Variants in WARS1 observed in about 807,000 individuals in gnomAD.
The protein encoded by WARS1 is tryptophan--tRNA ligase, cytoplasmic.
In WARS1, 17 loss-of-function variants were observed where a neutral mutation model predicts 47.8. The observed-to-expected ratio is 0.36, with a 90% CI of 0.24 to 0.53. The LOEUF (loss-of-function observed/expected upper bound fraction) is 0.53, where lower values mean the gene tolerates loss of function less well. WARS1 is among the 20% of genes least tolerant of loss of function. The pLI is 0.91. For synonymous variants in WARS1, 208 were observed against 228.1 expected, an observed-to-expected ratio of 0.91 and a Z score of 0.79; for missense variants, 434 against 608.0, an observed-to-expected ratio of 0.71 and a Z score of 3.01.
chr14:100,334,825 G>A lies in WARS1; in HGVS notation c.*50C>T. ...GTGCTTTGACTGGGCTGGGATTATT[G>A]ATACATTACTGATACATCACTTCTT... On this transcript the variant is annotated 3_prime_UTR_variant, in exon 11 of 11. Coordinates refer to ENST00000392882, the MANE Select transcript of WARS1 (RefSeq NM_004184.4). The A allele has an allele frequency of 6.3e-7, 1 of 1,593,434 alleles. No homozygotes were observed. The highest frequency in any genetic ancestry group is 8.6e-7 in the Non-Finnish European group (1 of 1,166,308).
At chr14:100,353,933 A>G in intron 5 of WARS1, 64 bp from the exon 6 acceptor site, 2 of 1,471,208 alleles carry the variant, frequency 1.4e-6, no homozygotes, top group Non-Finnish European at 1.8e-6. Flanking sequence ...GCCATCGTGC[A>G]TCTGAAAACA....
chr14:100,365,719 A>G, intron 2 of WARS1: 1 of 184,566 alleles, frequency 5.4e-6, no homozygotes, highest in South Asian at 8.2e-5. Flanking sequence ...CAACAAAAGC[A>G]GAGATCTTCT....
chr14:100,336,318 G>A (rs936017506), intron 10 of WARS1, among the ~76,000 whole-genome samples: 4 of 150,566 alleles, frequency 2.7e-5, no homozygotes, highest in African/African-American at 7.3e-5. Context: ...TTGCTATGTC[G>A]CCCAGGCTGG....
chr14:100,375,368 G>T (rs1157772012), upstream of WARS1: 2 of 152,186 alleles, frequency 1.3e-5, no homozygotes, highest in Admixed American at 6.5e-5. Flanking sequence ...GCCAGAAATG[G>T]TCTTTAATAC....
chr14:100,346,284 G>A (rs906160426), intron 7 of WARS1, among the ~76,000 whole-genome samples: 2 of 152,168 alleles, frequency 1.3e-5, no homozygotes, highest in African/African-American at 2.4e-5. Context: ...AGAAGACCTC[G>A]TGTCAAGCCC....
chr14:100,361,559 C>T (rs1215473194), intron 3 of WARS1, 149 bp downstream of exon 3: 11 of 697,980 alleles, frequency 1.6e-5, no homozygotes, highest in African/African-American at 1.4e-4. Context: ...TAATGCACAA[C>T]CAAAAGATTT....
chr14:100,342,177 C>A, intron 9 of WARS1: 5 of 617,628 alleles, frequency 8.1e-6, no homozygotes, highest in South Asian at 5.2e-5. Flanking sequence ...CAAAATTTTA[C>A]CTAAATGAAA....
In WARS1 at chr14:100,373,630, T is replaced by A. The variant is rs138203659; in HGVS notation, c.-74+1653A>T. Among the ~76,000 whole-genome samples, 14 of 152,354 alleles carry A rather than the reference T, an allele frequency of 9.2e-5. No individual in the cohort carries two copies. The highest frequency in any genetic ancestry group is 3.4e-4 in the African/African-American group (14 of 41,590). On this transcript the variant is annotated intron_variant, in intron 1 of 10. Transcript: ENST00000392882. The surrounding 1 kb of genome is among the most constrained non-coding windows in gnomAD (Gnocchi z 4.4). Reference sequence around the variant, plus strand: ...CCCACTGCAATAGAATAGATAACTGTTTCTTTGCTAGAGGATCAGCTAGAT... The same window carrying A: ...CCCACTGCAATAGAATAGATAACTGATTCTTTGCTAGAGGATCAGCTAGAT...
At chr14:100,349,511 C>T (rs905998466) in intron 6 of WARS1, among the ~76,000 whole-genome samples, 3 of 152,194 alleles carry the variant, frequency 2.0e-5, no homozygotes, top group Non-Finnish European at 4.4e-5. Context: ...TCCTCCCATG[C>T]CCAGGCCACA....
In WARS1 at chr14:100,335,086, T is replaced by C. The variant is rs2234532; in HGVS notation, c.1255-50A>G. The C allele has an allele frequency of 0.99, 1,579,345 of 1,591,454 alleles. 784,281 individuals are homozygous for C. The highest frequency in any genetic ancestry group is 1 in the Non-Finnish European group (1,165,000 of 1,165,828). ...GAGAGATGGCTCCACATGTCCTGAG[T>C]GGCTCCTTCCTGCCTCGGGCACCAG... On this transcript the variant is annotated intron_variant, in intron 10 of 10. Transcript: ENST00000392882.
chr14:100,351,743 C>T (rs1894994030), intron 6 of WARS1, among the ~76,000 whole-genome samples: 1 of 152,096 alleles, frequency 6.6e-6, no homozygotes, highest in Admixed American at 6.5e-5. Flanking sequence ...CCTGTAATCC[C>T]AGTGCTTTGG....
In WARS1 at chr14:100,334,652, A is replaced by G. The variant is rs184259063; in HGVS notation, c.*223T>C. ...CTGGACTTCTCTATCCGACCATGCA[A>G]TGTTAGCCAGCACCAATTACCCACA... On this transcript the variant is annotated 3_prime_UTR_variant, in exon 11 of 11. Transcript: ENST00000392882. 3.7e-4 allele frequency: 173 copies of G among 462,766 alleles called. No homozygotes were observed. The highest frequency in any genetic ancestry group is 2.8e-3 in the African/African-American group (142 of 50,168). 28.7% of individuals were successfully genotyped at this position (462,766 alleles called of 1,614,324 possible).
rs1463740260 is a variant in WARS1, at chr14:100,334,212, T to C, written c.*663A>G. The C allele has an allele frequency of 6.6e-6, 1 of 152,656 alleles. No individual in the cohort carries two copies. The highest frequency in any genetic ancestry group is 1.5e-5 in the Non-Finnish European group (1 of 68,060). The allele number at this position is 152,656 out of a possible 1,614,324, so 9.5% of individuals were successfully genotyped here. On this transcript the variant is annotated 3_prime_UTR_variant, in exon 11 of 11. Coordinates refer to ENST00000392882, the MANE Select transcript of WARS1 (RefSeq NM_004184.4). ...AGCATGATTTCTGGAGTGGACTACATGCATGGTCTGGAGTTCAGTAAACTG... is the reference window on the plus strand; with the variant it reads ...AGCATGATTTCTGGAGTGGACTACACGCATGGTCTGGAGTTCAGTAAACTG...
intron 6 of WARS1, among the ~76,000 whole-genome samples, chr14:100,352,190 C>T (rs1895039280): frequency 7.2e-6 from 1 of 139,334 alleles, no homozygotes; most frequent in Non-Finnish European, 1.5e-5. Flanking sequence ...CGGCTCACTG[C>T]AACCTCCGCC....
chr14:100,352,260 C>T (rs140146276), intron 6 of WARS1, among the ~76,000 whole-genome samples: 2,460 of 151,448 alleles, frequency 0.016, 66 homozygotes, highest in African/African-American at 0.055. Flanking sequence ...TACAGGAGCA[C>T]GCCACCACAC....
chr14:100,347,370 C>A (rs115181738), intron 6 of WARS1, among the ~76,000 whole-genome samples: 4 of 152,164 alleles, frequency 2.6e-5, no homozygotes, highest in South Asian at 2.1e-4. Context: ...ACTGCTCCCC[C>A]CTGCTGTTTG....
chr14:100,342,218 G>C, intron 9 of WARS1, 180 bp downstream of exon 9: 1 of 767,844 alleles, frequency 1.3e-6, no homozygotes, highest in Non-Finnish European at 2.2e-6. Context: ...TGATTCATGT[G>C]GGAAGGACAG....
At chr14:100,359,531 AT>A (rs1252309111) in intron 4 of WARS1, among the ~76,000 whole-genome samples, 1 of 152,200 alleles carries the variant, frequency 6.6e-6, no homozygotes, top group East Asian at 1.9e-4. Flanking sequence ...CTGTTAACCC[AT>A]TTATGCCTAC....
At chr14:100,376,147 G>A (rs374870993), upstream of WARS1, 65 of 187,820 alleles carry the variant, frequency 3.5e-4, 1 homozygote, top group East Asian at 7.0e-3. Context: ...GCAGCAAGCC[G>A]GGCTCTAAGG....
Sources: gnomAD v4.1 joint callset for allele counts (sites outside exome capture counted in the v4.1 genomes callset) on GRCh38, gnomAD v4.1.1 for gene constraint, Gnocchi (gnomAD v3.1) non-coding constraint, MANE v1.5 for transcripts, NCBI Gene and HGNC (gene_info 2026-07-23, HGNC 2026-07-21) for gene names.